The following RIC3 variants were observed in gnomAD, a reference collection of about 807,000 sequenced individuals.
RIC3 encodes the protein RIC3 acetylcholine receptor chaperone, also known as protein RIC-3.
RIC3 carries 28 observed loss-of-function variants against 27.3 expected under a neutral mutation model. That is an observed-to-expected ratio of 1.02 (90% CI 0.76 to 1.41). The LOEUF (loss-of-function observed/expected upper bound fraction) is 1.41, where lower values mean the gene tolerates loss of function less well. Among genes scored for constraint, RIC3 ranks in the 40% most tolerant of loss-of-function variants. The pLI is 0.00. For missense variants in RIC3, 501 were observed against 444.7 expected (o/e 1.13, Z -1.14); for synonymous variants, 184 against 160.4 (o/e 1.15, Z -1.11).
intron 1 of RIC3, among the ~76,000 whole-genome samples, chr11:8,141,034 C>G (rs1338082940): frequency 3.4e-5 from 5 of 149,102 alleles, no homozygotes; most frequent in Non-Finnish European, 1.5e-5. Flanking sequence ...GAAGGAAGCG[C>G]TAAACATGGA....
chr11:8,101,113 C>A, downstream of RIC3: 1 of 1,273,336 alleles, frequency 7.9e-7, no homozygotes, highest in Non-Finnish European at 1.1e-6. Flanking sequence ...GTGAGCTATA[C>A]AGCTAAGGTT....
At chr11:8,149,271 T>C (rs1212454234) in intron 1 of RIC3, among the ~76,000 whole-genome samples, 1 of 150,588 alleles carries the variant, frequency 6.6e-6, no homozygotes, top group African/African-American at 2.4e-5. Flanking sequence ...CTGAAGGGAA[T>C]GAAAGAATAG....
chr11:8,096,944 C>G, the RIC3 span: 8 of 1,033,488 alleles, frequency 7.7e-6, no homozygotes, highest in Non-Finnish European at 1.0e-5. Flanking sequence ...ACCTTGCCTC[C>G]TAACCTCTTC....
chr11:8,111,181 CAAA>C (rs56271449), intron 5 of RIC3, 44 bp from the exon 6 acceptor site: 261 of 1,063,750 alleles, frequency 2.5e-4, no homozygotes, highest in Middle Eastern at 5.8e-4. Context: ...AATGTCTCCT[CAAA>C]AAAAAAAAAA....
rs1037576046 is a variant in RIC3 at position 8,106,723 on chromosome 11, A to T, written c.*3975T>A. On this transcript the variant is annotated 3_prime_UTR_variant, in exon 6 of 6. Coordinates refer to ENST00000309737, the MANE Select transcript of RIC3 (RefSeq NM_001206671.4). ...TGCCGGGCAGCTGTGGCAGATTTGA[A>T]GGCAAAAGGAAGGGAGGCTACAGTT... 5.3e-5 allele frequency: 8 copies of T among 152,350 alleles called. No individual in the cohort carries two copies. Among genetic ancestry groups the T allele is most frequent in the Non-Finnish European group, 1.2e-4 (8 of 68,082 alleles). The allele number at this position is 152,350 out of a possible 1,614,324, so 9.4% of individuals were successfully genotyped here.
chr11:8,107,470 ACC>A lies in RIC3; in HGVS notation c.*3226_*3227del, dbSNP rs1944791110. 3 of 152,158 alleles carry A rather than the reference ACC, an allele frequency of 2.0e-5. No homozygotes were observed. Among genetic ancestry groups the A allele is most frequent in the Non-Finnish European group, 2.9e-5 (2 of 68,036 alleles). The allele number at this position is 152,158 out of a possible 1,614,324, so 9.4% of individuals were successfully genotyped here. ...TCTTAAATGGCTATAGACAGGGGTG[ACC>A]CTACGTCCAGGACAGTCTTAGTTTA... On this transcript the variant is annotated 3_prime_UTR_variant, in exon 6 of 6. Transcript: ENST00000309737.
chr11:8,141,010 C>T (rs1174855836), intron 1 of RIC3, among the ~76,000 whole-genome samples: 3 of 148,842 alleles, frequency 2.0e-5, no homozygotes, highest in Non-Finnish European at 4.5e-5. Context: ...CAGGCCTGCC[C>T]TAAAAGAGCT....
downstream of RIC3, chr11:8,101,086 G>A: frequency 2.7e-6 from 4 of 1,471,790 alleles, no homozygotes; most frequent in Admixed American, 3.7e-5. Flanking sequence ...TGCCTACACT[G>A]GCTAGAGTTT....
chr11:8,148,506 T>C (rs917231274), intron 1 of RIC3, among the ~76,000 whole-genome samples: 3 of 152,182 alleles, frequency 2.0e-5, no homozygotes, highest in African/African-American at 4.8e-5. Flanking sequence ...CACCTTACTG[T>C]GTTGAGAATA....
the RIC3 span, chr11:8,098,970 G>C: frequency 1.1e-6 from 1 of 920,324 alleles, no homozygotes; most frequent in Admixed American, 1.8e-5. Flanking sequence ...CATCTTAGTG[G>C]GTAGACAAGG....
intron 5 of RIC3, among the ~76,000 whole-genome samples, chr11:8,112,408 C>G (rs1370035329): frequency 2.0e-5 from 3 of 152,150 alleles, no homozygotes. Flanking sequence ...ATTCTCCTGC[C>G]TCAGCCTCCT....
chr11:8,132,065 T>G (rs578066742), intron 4 of RIC3, among the ~76,000 whole-genome samples: 69 of 152,288 alleles, frequency 4.5e-4, no homozygotes, highest in Non-Finnish European at 8.5e-4. Context: ...ACATACATAG[T>G]TGACATGCCT....
chr11:8,135,087 G>A (rs1170252891), intron 4 of RIC3, among the ~76,000 whole-genome samples: 1 of 152,058 alleles, frequency 6.6e-6, no homozygotes, highest in African/African-American at 2.4e-5. Flanking sequence ...TATTGCCTAG[G>A]TTTTCTTCTA....
the RIC3 span, chr11:8,097,436 T>A: frequency 6.2e-7 from 1 of 1,614,198 alleles, no homozygotes; most frequent in Admixed American, 1.7e-5. Context: ...GTAAGGTTGG[T>A]CTGGGCATGT....
intron 4 of RIC3, chr11:8,135,537 G>C (rs866049137): frequency 2.0e-5 from 3 of 152,324 alleles, no homozygotes; most frequent in East Asian, 3.9e-4. Context: ...TTGGTAGCTT[G>C]ATGGGGATGG....
At chr11:8,149,175 A>G (rs1294641226) in intron 1 of RIC3, among the ~76,000 whole-genome samples, 1 of 151,780 alleles carries the variant, frequency 6.6e-6, no homozygotes, top group Non-Finnish European at 1.5e-5. Context: ...CCTGGGTGAC[A>G]GAGCGAGACT....
intron 5 of RIC3, among the ~76,000 whole-genome samples, chr11:8,117,429 T>C (rs1046612306): frequency 6.6e-6 from 1 of 152,206 alleles, no homozygotes; most frequent in Non-Finnish European, 1.5e-5. Flanking sequence ...GAGGACATTA[T>C]GTTAACTGAA....
chr11:8,140,270 G>T (rs1948902989), intron 1 of RIC3, 77 bp from the exon 2 acceptor site: 4 of 1,315,286 alleles, frequency 3.0e-6, no homozygotes, highest in African/African-American at 1.5e-5. Context: ...AATCATTAAG[G>T]TATAAAAGAG....
the RIC3 span, among the ~76,000 whole-genome samples, chr11:8,098,199 C>A: frequency 6.6e-6 from 1 of 151,366 alleles, no homozygotes; most frequent in Admixed American, 6.6e-5. Context: ...ACACAGCAAT[C>A]TTGGGGGTGG....
Sources: allele counts gnomAD v4.1 joint callset (sites outside exome capture counted in the v4.1 genomes callset), GRCh38; gene constraint gnomAD v4.1.1; transcripts MANE v1.5; gene names NCBI Gene and HGNC (gene_info 2026-07-23, HGNC 2026-07-21).